Variants in ARHGAP12 observed in about 807,000 individuals in gnomAD.
ARHGAP12 encodes the protein rho GTPase-activating protein 12.
ARHGAP12 carries 64 observed loss-of-function variants against 108.6 expected under a neutral mutation model. The ratio of observed to expected loss-of-function variants is 0.59; its 90% CI spans 0.48 to 0.73. ARHGAP12 has a LOEUF of 0.73. Ranked by LOEUF, ARHGAP12 falls within the 30% of genes least tolerant of loss-of-function variation. The pLI is 0.00. For synonymous variants in ARHGAP12, 312 were observed against 337.2 expected (o/e 0.93, Z 0.82); for missense variants, 940 against 1,005.9 (o/e 0.93, Z 0.89).
chr10:31,912,753 G>A (rs1233449452), intron 1 of ARHGAP12, among the ~76,000 whole-genome samples: 1 of 152,116 alleles, frequency 6.6e-6, no homozygotes, highest in Non-Finnish European at 1.5e-5. Flanking sequence ...GGGGTGAAGG[G>A]TGGGGAAACA....
intron 1 of ARHGAP12, among the ~76,000 whole-genome samples, 198 bp downstream of exon 1, chr10:31,928,485 C>T (rs991311736): frequency 6.6e-6 from 1 of 151,234 alleles, no homozygotes; most frequent in South Asian, 2.1e-4. Flanking sequence ...AACCCCCGCG[C>T]CCAGAGCCCC....
chr10:31,864,564 TA>T (rs1206796338), intron 3 of ARHGAP12, among the ~76,000 whole-genome samples: 2 of 152,240 alleles, frequency 1.3e-5, no homozygotes, highest in African/African-American at 4.8e-5. Flanking sequence ...GCACTTAATG[TA>T]ATTTGTTGAA....
At chr10:31,862,696 GCACACACAGACACA>G (rs1179107024) in intron 3 of ARHGAP12, among the ~76,000 whole-genome samples, 5,689 of 122,216 alleles carry the variant, frequency 0.047, 175 homozygotes, top group African/African-American at 0.09. Context: ...AGTGGCGCAT[GCACACACAGACACA>G]CACACACACA....
chr10:31,815,683 T>C (rs1013592996), intron 13 of ARHGAP12, among the ~76,000 whole-genome samples: 1 of 152,222 alleles, frequency 6.6e-6, no homozygotes, highest in Non-Finnish European at 1.5e-5. Flanking sequence ...CTTTACATTA[T>C]TGAATCTTTA....
intron 4 of ARHGAP12, among the ~76,000 whole-genome samples, chr10:31,855,461 G>C (rs1310327403): frequency 6.6e-6 from 1 of 152,122 alleles, no homozygotes; most frequent in Non-Finnish European, 1.5e-5. Context: ...CACTAAGATA[G>C]GTAGATTCTC....
chr10:31,921,763 C>CAAAAAAAAAAAA (rs57420280), intron 1 of ARHGAP12, among the ~76,000 whole-genome samples: 1 of 37,928 alleles, frequency 2.6e-5, no homozygotes, highest in African/African-American at 8.5e-5. Context: ...GGCTCCATCT[C>CAAAAAAAAAAAA]AAAAAAAAAA....
chr10:31,820,361 G>A (rs778228850), intron 12 of ARHGAP12, 26 bp downstream of exon 12: 1 of 1,551,140 alleles, frequency 6.4e-7, no homozygotes, highest in Non-Finnish European at 8.8e-7. Flanking sequence ...TTTAGAATGT[G>A]TTATACTTAG....
At position 31,854,149 on chromosome 10, in the gene ARHGAP12, A is replaced by G; in HGVS notation, c.1006T>C (p.Cys336Arg). 6.2e-7 allele frequency: 1 copy of G among 1,613,808 alleles called. No individual in the cohort carries two copies. The highest frequency in any genetic ancestry group is 8.5e-7 in the Non-Finnish European group (1 of 1,179,872). The change falls in exon 5 of 20, where the codon TGT becomes CGT. Residue 336 changes from cysteine to arginine, a missense_variant. Transcript: ENST00000344936. Reference sequence around the variant, plus strand: ...GACCAACCCCTTGGAGGAGAACCACACTGACTATCTGACTGGCTGTAAGAA... The same window carrying G: ...GACCAACCCCTTGGAGGAGAACCACGCTGACTATCTGACTGGCTGTAAGAA... ...STSYSQSDSQ[C>R]GSPPRGWSEE... is the part of the protein sequence containing the mutation.
chr10:31,826,460 C>A, intron 10 of ARHGAP12, 75 bp from the exon 11 acceptor site: 10 of 1,147,824 alleles, frequency 8.7e-6, no homozygotes, highest in South Asian at 1.4e-5. Context: ...TTAAGACCTA[C>A]TTAGCTCTTA....
At chr10:31,850,102 C>A (rs1389339922) in intron 6 of ARHGAP12, among the ~76,000 whole-genome samples, 1 of 152,152 alleles carries the variant, frequency 6.6e-6, no homozygotes, top group Non-Finnish European at 1.5e-5. Flanking sequence ...TCCAGGGAAT[C>A]AGAAACCACT....
intron 1 of ARHGAP12, among the ~76,000 whole-genome samples, chr10:31,922,658 A>C (rs1839871324): frequency 6.6e-6 from 1 of 152,112 alleles, no homozygotes; most frequent in South Asian, 2.1e-4. Context: ...AATAAACAGA[A>C]TTTGTCTTTA....
At chr10:31,864,861 A>G (rs1264798749) in intron 3 of ARHGAP12, among the ~76,000 whole-genome samples, 1 of 152,208 alleles carries the variant, frequency 6.6e-6, no homozygotes, top group South Asian at 2.1e-4. Flanking sequence ...ATGGTAAAGG[A>G]AAGTGAAACA....
chr10:31,834,228 T>C (rs540532035), intron 9 of ARHGAP12, among the ~76,000 whole-genome samples: 2 of 152,350 alleles, frequency 1.3e-5, no homozygotes, highest in East Asian at 1.9e-4. Flanking sequence ...TGCCTTATTG[T>C]ACTTACTACA....
At chr10:31,872,066 C>T (rs113219204) in intron 3 of ARHGAP12, among the ~76,000 whole-genome samples, 4 of 152,196 alleles carry the variant, frequency 2.6e-5, no homozygotes, top group African/African-American at 9.7e-5. Flanking sequence ...TCTAGAACTT[C>T]ATTCTCTTTA....
intron 3 of ARHGAP12, among the ~76,000 whole-genome samples, chr10:31,900,363 GTTC>G (rs1441389978): frequency 6.6e-6 from 1 of 152,112 alleles, no homozygotes; most frequent in Non-Finnish European, 1.5e-5. Context: ...CATACATCAT[GTTC>G]TTAAGGATTT....
chr10:31,883,345 T>C (rs952670550), intron 3 of ARHGAP12, among the ~76,000 whole-genome samples: 2 of 152,196 alleles, frequency 1.3e-5, no homozygotes, highest in African/African-American at 4.8e-5. Flanking sequence ...ATTATCCCCT[T>C]GCCTAAATTT....
intron 3 of ARHGAP12, among the ~76,000 whole-genome samples, chr10:31,862,995 T>C (rs1166757023): frequency 6.6e-6 from 1 of 152,222 alleles, no homozygotes; most frequent in African/African-American, 2.4e-5. Flanking sequence ...CTTCTAAAAA[T>C]ATTTGTCTAT....
intron 3 of ARHGAP12, among the ~76,000 whole-genome samples, chr10:31,862,696 GCACACACAGACACACACA>G (rs1232049691): frequency 0.012 from 1,458 of 122,260 alleles, 29 homozygotes; most frequent in African/African-American, 0.04. Flanking sequence ...AGTGGCGCAT[GCACACACAGACACACACA>G]CACACACACA....
intron 13 of ARHGAP12, 82 bp from the exon 14 acceptor site, chr10:31,814,443 T>C: frequency 2.6e-6 from 3 of 1,141,248 alleles, no homozygotes; most frequent in Non-Finnish European, 1.3e-6. Context: ...ACAATGACTA[T>C]TGTAAATGAC....
Sources: allele counts gnomAD v4.1 joint callset (sites outside exome capture counted in the v4.1 genomes callset), GRCh38; gene constraint gnomAD v4.1.1; transcripts MANE v1.5; gene names NCBI Gene and HGNC (gene_info 2026-07-23, HGNC 2026-07-21).